Variants in SLC41A2 observed in about 807,000 individuals in gnomAD.
The protein encoded by SLC41A2 is solute carrier family 41 member 2, also known as SLC41A1-like 1.
SLC41A2 carries 32 observed loss-of-function variants against 58.3 expected under a neutral mutation model. The ratio of observed to expected loss-of-function variants is 0.55; its 90% CI spans 0.41 to 0.74. The LOEUF is 0.74. SLC41A2 is among the 30% of genes least tolerant of loss of function. The pLI is 0.00. For synonymous variants in SLC41A2, 190 were observed against 235.0 expected, an observed-to-expected ratio of 0.81 and a Z score of 1.75; for missense variants, 514 against 680.6, an observed-to-expected ratio of 0.76 and a Z score of 2.72.
chr12:104,859,735 T>C (rs996631513), intron 8 of SLC41A2, among the ~76,000 whole-genome samples: 1 of 152,142 alleles, frequency 6.6e-6, no homozygotes, highest in Non-Finnish European at 1.5e-5. Flanking sequence ...CATATATACA[T>C]ATATACATTT....
chr12:104,930,296 A>G (rs2047004211), intron 1 of SLC41A2, among the ~76,000 whole-genome samples: 1 of 152,218 alleles, frequency 6.6e-6, no homozygotes, highest in Non-Finnish European at 1.5e-5. Context: ...AATCAGATTA[A>G]TGAAACCAAT....
intron 8 of SLC41A2, among the ~76,000 whole-genome samples, chr12:104,846,868 T>A (rs957816567): frequency 1.3e-5 from 2 of 152,126 alleles, no homozygotes; most frequent in African/African-American, 4.8e-5. Context: ...CAATCCTCCA[T>A]CCTAATGATC....
chr12:104,928,547 C>G lies in SLC41A2; in HGVS notation c.-20G>C. On this transcript the variant is annotated 5_prime_UTR_variant, in exon 2 of 11. Transcript: ENST00000258538. ...AGTCATATTGTCATCACAAAAGACC[C>G]TGTACTCCTTAGATCTCAAGCTTCG... The G allele has an allele frequency of 1.4e-6, 2 of 1,445,408 alleles. No homozygotes were observed. The highest frequency in any genetic ancestry group is 1.8e-6 in the Non-Finnish European group (2 of 1,092,036). The allele number at this position is 1,445,408 out of a possible 1,614,324, so 89.5% of individuals were successfully genotyped here.
At chr12:104,893,163 A>T (rs756003623) in intron 4 of SLC41A2, among the ~76,000 whole-genome samples, 13 of 152,174 alleles carry the variant, frequency 8.5e-5, no homozygotes, top group Non-Finnish European at 1.6e-4. Context: ...AGGAAAAAAA[A>T]TCCAATAATC....
rs1178540067 is a variant in SLC41A2, at chr12:104,860,870, C to T, written c.1255+421G>A. On this transcript the variant is annotated intron_variant, in intron 8 of 10. Coordinates refer to ENST00000258538, the MANE Select transcript of SLC41A2 (RefSeq NM_001352171.3). ...GATTGCAGTCATGAGCCACTGTGCCCACCCCAGATTTTAATGAACTGAATG... is the reference window on the plus strand; with the variant it reads ...GATTGCAGTCATGAGCCACTGTGCCTACCCCAGATTTTAATGAACTGAATG... Among the ~76,000 whole-genome samples the T allele has an allele frequency of 2.0e-5, 3 of 152,092 alleles. No homozygotes were observed. The East Asian group carries it at 5.8e-4, about 29-fold the overall frequency.
chr12:104,879,933 C>A (rs951790174), intron 6 of SLC41A2, among the ~76,000 whole-genome samples: 11 of 152,040 alleles, frequency 7.2e-5, no homozygotes, highest in African/African-American at 2.7e-4. Context: ...TTCTTTGTGT[C>A]CTCTTTTATT....
chr12:104,877,061 T>C (rs1038078690), intron 6 of SLC41A2, among the ~76,000 whole-genome samples: 3 of 152,226 alleles, frequency 2.0e-5, no homozygotes, highest in Non-Finnish European at 2.9e-5. Flanking sequence ...CACTATATAA[T>C]ACATGGCCTC....
At chr12:104,856,585 G>A (rs1230258141) in intron 8 of SLC41A2, among the ~76,000 whole-genome samples, 2 of 152,062 alleles carry the variant, frequency 1.3e-5, no homozygotes, top group African/African-American at 4.8e-5. Flanking sequence ...TAAGCTAAAG[G>A]GAAAAGATGT....
At chr12:104,897,801 G>C (rs1383133513) in intron 3 of SLC41A2, among the ~76,000 whole-genome samples, 1 of 152,124 alleles carries the variant, frequency 6.6e-6, no homozygotes, top group Admixed American at 6.5e-5. Context: ...TGTGGATAGA[G>C]GTATGGCAGG....
chr12:104,808,918 C>G (rs559727280), intron 10 of SLC41A2, among the ~76,000 whole-genome samples: 2 of 152,208 alleles, frequency 1.3e-5, no homozygotes, highest in Admixed American at 1.3e-4. Context: ...AATTTTCAAA[C>G]CCCTGAAGCA....
chr12:104,933,717 A>G (rs1042103915), intron 1 of SLC41A2, among the ~76,000 whole-genome samples: 1 of 151,902 alleles, frequency 6.6e-6, no homozygotes, highest in African/African-American at 2.4e-5. Context: ...ATATATATAC[A>G]CCATGAAATA....
chr12:104,888,909 G>C, intron 5 of SLC41A2, 124 bp downstream of exon 5: 2 of 1,017,482 alleles, frequency 2.0e-6, no homozygotes, highest in East Asian at 2.8e-5. Flanking sequence ...CATTTTTTAA[G>C]TTTGTAGATA....
At chr12:104,921,723 T>TA (rs1055447827) in intron 2 of SLC41A2, among the ~76,000 whole-genome samples, 2 of 152,194 alleles carry the variant, frequency 1.3e-5, no homozygotes, top group African/African-American at 2.4e-5. Context: ...AAGAATACTC[T>TA]AATACTGTAA....
At chr12:104,807,861 CTGTT>C (rs1334642933) in intron 10 of SLC41A2, among the ~76,000 whole-genome samples, 10 of 152,060 alleles carry the variant, frequency 6.6e-5, no homozygotes, top group South Asian at 2.1e-4. Flanking sequence ...ATTTGGCTCT[CTGTT>C]TGTCTGTTAT....
chr12:104,873,164 C>T (rs983635244), intron 6 of SLC41A2, among the ~76,000 whole-genome samples: 8 of 152,140 alleles, frequency 5.3e-5, no homozygotes, highest in Non-Finnish European at 8.8e-5. Flanking sequence ...TACATCTCCC[C>T]ATTTCCTGCC....
intron 5 of SLC41A2, among the ~76,000 whole-genome samples, chr12:104,887,855 A>G (rs4076549): frequency 0.015 from 2,209 of 152,106 alleles, 67 homozygotes; most frequent in African/African-American, 0.05. Flanking sequence ...AAGAGTTTCT[A>G]CTTTACATAT....
intron 2 of SLC41A2, among the ~76,000 whole-genome samples, chr12:104,926,672 A>G (rs1353407971): frequency 6.6e-6 from 1 of 152,226 alleles, no homozygotes; most frequent in African/African-American, 2.4e-5. Context: ...TACAAAAAAT[A>G]ATTCACAGAA....
chr12:104,858,913 A>G (rs1437499934), intron 8 of SLC41A2, among the ~76,000 whole-genome samples: 2 of 152,250 alleles, frequency 1.3e-5, no homozygotes, highest in Non-Finnish European at 1.5e-5. Context: ...TTAAGGTAAA[A>G]CAACTGAAAT....
At chr12:104,941,263 A>T (rs2047503584) in intron 1 of SLC41A2, among the ~76,000 whole-genome samples, 1 of 152,202 alleles carries the variant, frequency 6.6e-6, no homozygotes, top group South Asian at 2.1e-4. Context: ...ACAATTGCTC[A>T]TTTCTAGGGT....
Sources: gnomAD v4.1 joint callset for allele counts (sites outside exome capture counted in the v4.1 genomes callset) on GRCh38, gnomAD v4.1.1 for gene constraint, MANE v1.5 for transcripts, NCBI Gene and HGNC (gene_info 2026-07-23, HGNC 2026-07-21) for gene names.